DPP6: variants seen among roughly 807,000 people sequenced by gnomAD.
The protein encoded by DPP6 is A-type potassium channel modulatory protein DPP6.
Under a neutral mutation model 122.6 loss-of-function variants are expected in DPP6, and 69 were observed. The ratio of observed to expected loss-of-function variants is 0.56; its 90% CI spans 0.46 to 0.69. DPP6 has a LOEUF of 0.69. Among genes scored for constraint, DPP6 ranks in the 30% least tolerant of loss-of-function variants. DPP6 has a pLI of 0.00. For synonymous variants in DPP6, 418 were observed against 433.1 expected, an observed-to-expected ratio of 0.97 and a Z score of 0.43; for missense variants, 928 against 1,116.9, an observed-to-expected ratio of 0.83 and a Z score of 2.41.
chr7:153,901,418 G>A (rs988587154), intron 1 of DPP6, among the ~76,000 whole-genome samples: 8 of 152,184 alleles, frequency 5.3e-5, no homozygotes, highest in East Asian at 1.9e-4. Context: ...GATAAAGGTC[G>A]AAACCCTCTT....
chr7:153,969,693 T>A (rs1258722071), intron 1 of DPP6, among the ~76,000 whole-genome samples: 1 of 148,586 alleles, frequency 6.7e-6, no homozygotes, highest in Non-Finnish European at 1.5e-5. Context: ...TTTATTGAGA[T>A]ACAGTATGCA....
At chr7:153,962,986 T>G (rs1795433615) in intron 1 of DPP6, among the ~76,000 whole-genome samples, 1 of 152,206 alleles carries the variant, frequency 6.6e-6, no homozygotes, top group Admixed American at 6.5e-5. Flanking sequence ...GGGGCCTTTT[T>G]GACTCTCCTA....
intron 1 of DPP6, among the ~76,000 whole-genome samples, chr7:154,434,058 A>T (rs1301440462): frequency 2.0e-5 from 3 of 152,196 alleles, no homozygotes; most frequent in Non-Finnish European, 2.9e-5. Flanking sequence ...AGGCTTTTTA[A>T]ACCTGTAACA....
At chr7:154,002,035 T>A in intron 1 of DPP6, among the ~76,000 whole-genome samples, 1 of 152,160 alleles carries the variant, frequency 6.6e-6, no homozygotes, top group Non-Finnish European at 1.5e-5. Context: ...GTTTCACAGG[T>A]GTGTGTTTTC....
intron 1 of DPP6, among the ~76,000 whole-genome samples, chr7:154,060,449 G>C (rs546315629): frequency 7.4e-6 from 1 of 135,330 alleles, no homozygotes; most frequent in African/African-American, 3.0e-5. Flanking sequence ...CTGCGAGCCA[G>C]ACCCTCTTCC....
chr7:154,261,990 G>GGGAA (rs143872084), intron 1 of DPP6, among the ~76,000 whole-genome samples: 72 of 151,648 alleles, frequency 4.7e-4, no homozygotes, highest in African/African-American at 1.7e-3. Context: ...GATGTAAGCA[G>GGGAA]GGAAGGAAGG....
intron 5 of DPP6, among the ~76,000 whole-genome samples, chr7:154,626,268 A>G (rs1480970817): frequency 1.3e-5 from 2 of 152,230 alleles, no homozygotes; most frequent in African/African-American, 4.8e-5. Context: ...AAGGAAATAT[A>G]TATTTTGTAA....
At chr7:153,905,002 AG>A (rs1380577465) in intron 1 of DPP6, among the ~76,000 whole-genome samples, 2 of 152,254 alleles carry the variant, frequency 1.3e-5, no homozygotes, top group Non-Finnish European at 2.9e-5. Flanking sequence ...ATTGGCACAA[AG>A]GGTCTGATCT....
chr7:154,757,458 C>G (rs1302735886), intron 8 of DPP6, among the ~76,000 whole-genome samples: 2 of 152,252 alleles, frequency 1.3e-5, no homozygotes, highest in Non-Finnish European at 2.9e-5. Flanking sequence ...CAATGCAGAA[C>G]CAAGATGGGA....
intron 4 of DPP6, among the ~76,000 whole-genome samples, chr7:154,552,024 GT>G (rs1414913891): frequency 1.6e-4 from 25 of 152,238 alleles, no homozygotes; most frequent in African/African-American, 5.8e-4. Flanking sequence ...GTGTGCCCAA[GT>G]AAATCATTTT....
chr7:153,831,773 G>A, the DPP6 span, among the ~76,000 whole-genome samples: 5 of 152,156 alleles, frequency 3.3e-5, no homozygotes, highest in Non-Finnish European at 5.9e-5. Flanking sequence ...GGCTGGGTTT[G>A]GCCCATGAGG....
chr7:154,352,762 C>T lies in DPP6; in HGVS notation c.244-93452C>T, dbSNP rs1810978603. On this transcript the variant is annotated intron_variant, in intron 1 of 25. Transcript: ENST00000377770. The stretch of plus-strand genomic sequence containing the variant: ...AACCTAGATGATGGGTTGACAGGTG[C>T]AGCAAACCACCGTGGCATGTGTATA... 2.0e-5 allele frequency among the ~76,000 whole-genome samples: 3 copies of T among 152,082 alleles called. 1 individual carries two copies. Among genetic ancestry groups the T allele is most frequent in the African/African-American group, 7.2e-5 (3 of 41,402 alleles).
chr7:154,000,641 G>C (rs963966802), intron 1 of DPP6, among the ~76,000 whole-genome samples: 1 of 152,184 alleles, frequency 6.6e-6, no homozygotes, highest in African/African-American at 2.4e-5. Flanking sequence ...AGTTATTTTG[G>C]CTTTCAAGTT....
In DPP6 at chr7:153,928,137, A is replaced by G. The variant is rs537640673; in HGVS notation, c.51+40403A>G. On this transcript the variant is annotated intron_variant, in intron 1 of 25. Transcript: ENST00000404039. Reference sequence around the variant, plus strand: ...AAAACAGCAGAAATTTATTTCTCACAGTTCTGGAAGCTGGAAGTCCAAGAT... The same window carrying G: ...AAAACAGCAGAAATTTATTTCTCACGGTTCTGGAAGCTGGAAGTCCAAGAT... Among the ~76,000 whole-genome samples the G allele has an allele frequency of 4.7e-4, 71 of 152,230 alleles. 1 individual carries two copies. The South Asian group carries it at 0.014, about 31-fold the overall frequency.
At chr7:154,418,673 G>A (rs957367599) in intron 1 of DPP6, among the ~76,000 whole-genome samples, 2 of 152,154 alleles carry the variant, frequency 1.3e-5, no homozygotes, top group Non-Finnish European at 2.9e-5. Flanking sequence ...TTTACAACCA[G>A]ATTATATTAC....
At chr7:153,826,933 A>G in the DPP6 span, among the ~76,000 whole-genome samples, 2 of 152,316 alleles carry the variant, frequency 1.3e-5, no homozygotes, top group Admixed American at 1.3e-4. Context: ...GTGAAAATGT[A>G]ACTCATTTAT....
chr7:154,585,532 G>A (rs899314400), intron 5 of DPP6, among the ~76,000 whole-genome samples: 1 of 152,166 alleles, frequency 6.6e-6, no homozygotes, highest in Admixed American at 6.5e-5. Flanking sequence ...CCTGGGGAGT[G>A]GTTACCAGAA....
chr7:154,145,744 C>T (rs912269030), intron 1 of DPP6, among the ~76,000 whole-genome samples: 3 of 82,386 alleles, frequency 3.6e-5, no homozygotes, highest in African/African-American at 8.4e-5. Flanking sequence ...AACACAGTTG[C>T]GCCTCGAACA....
intron 1 of DPP6, among the ~76,000 whole-genome samples, chr7:154,312,879 A>C (rs376196212): frequency 9.2e-5 from 14 of 152,336 alleles, no homozygotes; most frequent in South Asian, 2.1e-4. Context: ...TGTCTTTTGG[A>C]AATAATATGT....
Sources: allele counts gnomAD v4.1 joint callset (sites outside exome capture counted in the v4.1 genomes callset), GRCh38; gene constraint gnomAD v4.1.1; transcripts MANE v1.5; gene names NCBI Gene and HGNC (gene_info 2026-07-23, HGNC 2026-07-21).